KCNQ3: variants seen among roughly 807,000 people sequenced by gnomAD.
KCNQ3 encodes the protein potassium voltage-gated channel subfamily KQT member 3.
Under a neutral mutation model 92.5 loss-of-function variants are expected in KCNQ3, and 30 were observed. That is an observed-to-expected ratio of 0.32 (90% CI 0.24 to 0.44). The LOEUF is 0.44. KCNQ3 is among the 20% of genes least tolerant of loss of function. KCNQ3 has a pLI of 1.00. For synonymous variants in KCNQ3, 450 were observed against 468.8 expected (o/e 0.96, Z 0.52); for missense variants, 913 against 1,140.3 (o/e 0.80, Z 2.87).
intron 1 of KCNQ3, among the ~76,000 whole-genome samples, chr8:132,471,192 A>G (rs1319486658): frequency 5.3e-5 from 8 of 152,122 alleles, no homozygotes. Flanking sequence ...CAAGTTCCTG[A>G]CCCAGGAGGG....
chr8:132,429,074 C>A (rs1395324231), intron 1 of KCNQ3, among the ~76,000 whole-genome samples: 1 of 152,200 alleles, frequency 6.6e-6, no homozygotes, highest in African/African-American at 2.4e-5. Context: ...TGAATTAATG[C>A]TTTATATTTT....
chr8:132,198,071 T>A (rs1302950206), intron 1 of KCNQ3, among the ~76,000 whole-genome samples: 3 of 152,156 alleles, frequency 2.0e-5, no homozygotes, highest in African/African-American at 7.2e-5. Context: ...AGGGTGTCAA[T>A]TCTGTGATTA....
At chr8:132,324,963 T>G (rs1246843501) in intron 1 of KCNQ3, among the ~76,000 whole-genome samples, 1 of 152,102 alleles carries the variant, frequency 6.6e-6, no homozygotes, top group East Asian at 1.9e-4. Context: ...CCAGAATAAT[T>G]TTGTATTCGC....
intron 1 of KCNQ3, among the ~76,000 whole-genome samples, chr8:132,305,039 T>C (rs1437233013): frequency 6.6e-6 from 1 of 152,246 alleles, no homozygotes; most frequent in Non-Finnish European, 1.5e-5. Flanking sequence ...CTCTCTTTCC[T>C]GCTCTGCTCA....
chr8:132,305,203 T>A (rs1817381945), intron 1 of KCNQ3, among the ~76,000 whole-genome samples: 1 of 152,224 alleles, frequency 6.6e-6, no homozygotes, highest in Non-Finnish European at 1.5e-5. Context: ...GATCCAGCCA[T>A]GACATGTAAC....
intron 4 of KCNQ3, among the ~76,000 whole-genome samples, chr8:132,176,233 T>A (rs1192082754): frequency 6.6e-6 from 1 of 152,178 alleles, no homozygotes; most frequent in African/African-American, 2.4e-5. Context: ...TTCATGGATA[T>A]TATCATATAA....
intron 1 of KCNQ3, among the ~76,000 whole-genome samples, chr8:132,339,280 A>G (rs1384684840): frequency 6.6e-6 from 1 of 152,274 alleles, no homozygotes; most frequent in East Asian, 1.9e-4. Context: ...ATCATTTTTA[A>G]CTTCTTCTGT....
chr8:132,350,527 C>T (rs1347783712), intron 1 of KCNQ3, among the ~76,000 whole-genome samples: 1 of 152,196 alleles, frequency 6.6e-6, no homozygotes, highest in African/African-American at 2.4e-5. Flanking sequence ...TGCATCTGCT[C>T]ATCCCAGTAA....
intron 1 of KCNQ3, among the ~76,000 whole-genome samples, chr8:132,283,247 T>C (rs959224659): frequency 8.8e-6 from 1 of 113,194 alleles, no homozygotes; most frequent in African/African-American, 2.8e-5. Flanking sequence ...AAATGGAGGC[T>C]CAGAGAGGCA....
At chr8:132,199,910 CAAAA>C (rs66931252) in intron 1 of KCNQ3, among the ~76,000 whole-genome samples, 11 of 101,832 alleles carry the variant, frequency 1.1e-4, no homozygotes, top group South Asian at 3.3e-4. Context: ...ACTCAGTCTC[CAAAA>C]AAAAAAAAAA....
intron 1 of KCNQ3, among the ~76,000 whole-genome samples, chr8:132,296,250 G>T (rs940077661): frequency 6.6e-6 from 1 of 152,130 alleles, no homozygotes; most frequent in African/African-American, 2.4e-5. Context: ...GCTTTTCAGC[G>T]AGGTCCTGTA....
In KCNQ3 at chr8:132,123,870, C is replaced by T. The variant is rs550791186; in HGVS notation, c.*5392G>A. The T allele has an allele frequency of 3.9e-5, 6 of 152,236 alleles. No individual in the cohort carries two copies. Among genetic ancestry groups the T allele is most frequent in the Admixed American group, 2.6e-4 (4 of 15,296 alleles). 9.4% of individuals were successfully genotyped at this position (152,236 alleles called of 1,614,324 possible). On this transcript the variant is annotated 3_prime_UTR_variant, in exon 15 of 15. Transcript: ENST00000388996. ...CTTACAGGGTTGCTGAGGTTAAAGC[C>T]GTGAAAGCCTGGGAACAAATCTCCC...
chr8:132,474,542 T>A (rs1226826506), intron 1 of KCNQ3, among the ~76,000 whole-genome samples: 1 of 152,212 alleles, frequency 6.6e-6, no homozygotes, highest in Non-Finnish European at 1.5e-5. Context: ...ACTATTCTTA[T>A]AATTAAAGTC....
intron 1 of KCNQ3, among the ~76,000 whole-genome samples, chr8:132,387,317 A>C (rs1448916979): frequency 6.6e-6 from 1 of 152,220 alleles, no homozygotes; most frequent in African/African-American, 2.4e-5. Context: ...TTATAAAATC[A>C]CCTTAATAGA....
intron 1 of KCNQ3, among the ~76,000 whole-genome samples, chr8:132,476,774 C>T (rs911083983): frequency 2.0e-5 from 3 of 152,052 alleles, no homozygotes; most frequent in African/African-American, 7.2e-5. Flanking sequence ...TGAGTTAAGA[C>T]CTTAGGGTGC....
chr8:132,167,530 A>G (rs17575389), intron 8 of KCNQ3, among the ~76,000 whole-genome samples: 7,783 of 152,272 alleles, frequency 0.051, 314 homozygotes, highest in Non-Finnish European at 0.074. Flanking sequence ...GTAAGAAAAC[A>G]CCAGTGTGTC....
At chr8:132,458,523 C>T (rs576477301) in intron 1 of KCNQ3, among the ~76,000 whole-genome samples, 6 of 152,244 alleles carry the variant, frequency 3.9e-5, no homozygotes, top group South Asian at 2.1e-4. Context: ...GGCACAATCA[C>T]GGCTCATCGC....
intron 1 of KCNQ3, among the ~76,000 whole-genome samples, chr8:132,303,056 T>C (rs908093401): frequency 6.6e-6 from 1 of 152,184 alleles, no homozygotes; most frequent in Non-Finnish European, 1.5e-5. Context: ...GCCAGAGCTA[T>C]TGATCATGCA....
intron 1 of KCNQ3, among the ~76,000 whole-genome samples, chr8:132,231,199 T>A (rs1225854171): frequency 6.6e-6 from 1 of 152,208 alleles, no homozygotes; most frequent in Admixed American, 6.5e-5. Flanking sequence ...CATGACCCTG[T>A]CAATACCTTG....
Sources: gnomAD v4.1 joint callset for allele counts (sites outside exome capture counted in the v4.1 genomes callset) on GRCh38, gnomAD v4.1.1 for gene constraint, MANE v1.5 for transcripts, NCBI Gene and HGNC (gene_info 2026-07-23, HGNC 2026-07-21) for gene names.